Variants in PKNOX1 observed in about 807,000 individuals in gnomAD.
PKNOX1 encodes the protein homeobox protein PKNOX1.
In PKNOX1, 15 loss-of-function variants were observed where a neutral mutation model predicts 51.9. That is an observed-to-expected ratio of 0.29 (90% confidence interval 0.19 to 0.45). PKNOX1 has a LOEUF of 0.45. Ranked by LOEUF, PKNOX1 falls within the 20% of genes least tolerant of loss-of-function variation. PKNOX1 has a pLI of 1.00. For synonymous variants in PKNOX1, 219 were observed against 211.1 expected, an observed-to-expected ratio of 1.04 and a Z score of -0.32; for missense variants, 462 against 547.5, an observed-to-expected ratio of 0.84 and a Z score of 1.56.
chr21:42,997,905 G>T (rs934685777), intron 1 of PKNOX1, among the ~76,000 whole-genome samples: 1 of 152,182 alleles, frequency 6.6e-6, no homozygotes, highest in Admixed American at 6.5e-5. Flanking sequence ...GAGTGCGGAA[G>T]GGGGTCAGTA....
intron 1 of PKNOX1, among the ~76,000 whole-genome samples, chr21:42,984,657 G>A (rs2059042594): frequency 6.6e-6 from 1 of 152,168 alleles, no homozygotes; most frequent in Non-Finnish European, 1.5e-5. Context: ...CAAAGTGCTG[G>A]GATTATAGGC....
chr21:42,974,939 G>T (rs1387751059), intron 1 of PKNOX1, among the ~76,000 whole-genome samples: 1 of 144,332 alleles, frequency 6.9e-6, no homozygotes, highest in Non-Finnish European at 1.5e-5. Flanking sequence ...TCTTAGTGTG[G>T]GTTGAGGGAC....
intron 1 of PKNOX1, among the ~76,000 whole-genome samples, chr21:42,994,147 C>G (rs1021082120): frequency 4.2e-5 from 6 of 144,490 alleles, no homozygotes; most frequent in Admixed American, 1.4e-4. Flanking sequence ...CTCAAGTGAT[C>G]CCCCTGCCTC....
chr21:43,008,098 A>C (rs1030166657), intron 3 of PKNOX1, among the ~76,000 whole-genome samples: 4 of 112,266 alleles, frequency 3.6e-5, no homozygotes, highest in African/African-American at 8.9e-5. Context: ...CACACACACA[A>C]AGATGTTATT....
intron 5 of PKNOX1, among the ~76,000 whole-genome samples, chr21:43,014,628 A>C (rs921813461): frequency 1.7e-4 from 26 of 152,218 alleles, no homozygotes; most frequent in African/African-American, 6.3e-4. Flanking sequence ...AAAAGTTTTT[A>C]AATAGAGACA....
chr21:42,998,110 T>C (rs1978590573), intron 1 of PKNOX1, among the ~76,000 whole-genome samples: 1 of 152,142 alleles, frequency 6.6e-6, no homozygotes, highest in Non-Finnish European at 1.5e-5. Context: ...AGAGGTTTAA[T>C]TGGACTTACA....
intron 1 of PKNOX1, among the ~76,000 whole-genome samples, chr21:42,977,157 C>T (rs1445039318): frequency 6.6e-6 from 1 of 152,116 alleles, no homozygotes; most frequent in African/African-American, 2.4e-5. Context: ...ATTCCATTTC[C>T]AGAGCACAGG....
At chr21:43,000,681 A>T (rs1056063775) in intron 1 of PKNOX1, among the ~76,000 whole-genome samples, 3 of 152,148 alleles carry the variant, frequency 2.0e-5, no homozygotes, top group Non-Finnish European at 4.4e-5. Flanking sequence ...GAGCCCAGGA[A>T]TTCAAGACCA....
At chr21:43,001,462 G>A (rs1978747764) in intron 1 of PKNOX1, among the ~76,000 whole-genome samples, 1 of 152,186 alleles carries the variant, frequency 6.6e-6, no homozygotes, top group Admixed American at 6.5e-5. Flanking sequence ...TCCTTGCCGT[G>A]GCTGGCACTC....
At position 43,029,954 on chromosome 21, in the gene PKNOX1, G is replaced by C; in HGVS notation, c.1164G>C (p.Ser388=). 6.2e-7 allele frequency: 1 copy of C among 1,614,166 alleles called. No homozygotes were observed. The highest frequency in any genetic ancestry group is 1.3e-5 in the African/African-American group (1 of 75,056). The change falls in exon 11 of 11, where the codon TCG becomes TCC. Residue 388 remains serine, a synonymous_variant. Transcript: ENST00000291547. ...TGGACAGCCTTCAGTCTCTGTCCTCGGACGGGGCCACCCTGGCGGTGCAGC... is the reference window on the plus strand; with the variant it reads ...TGGACAGCCTTCAGTCTCTGTCCTCCGACGGGGCCACCCTGGCGGTGCAGC... ...MNVDSLQSLS[S]DGATLAVQQV... is the part of the protein sequence containing the mutation.
At chr21:42,996,820 G>C (rs1978525192) in intron 1 of PKNOX1, among the ~76,000 whole-genome samples, 1 of 151,876 alleles carries the variant, frequency 6.6e-6, no homozygotes, top group Admixed American at 6.6e-5. Context: ...CTTCCACCTT[G>C]GCCTCCCAAA....
chr21:43,029,037 C>T (rs891886933), intron 10 of PKNOX1, 163 bp downstream of exon 10: 20 of 684,104 alleles, frequency 2.9e-5, no homozygotes, highest in African/African-American at 1.1e-4. Context: ...CTGCATTCTG[C>T]GTGCACGGGA....
intron 1 of PKNOX1, among the ~76,000 whole-genome samples, chr21:42,996,497 C>T (rs1978512152): frequency 6.6e-6 from 1 of 152,082 alleles, no homozygotes; most frequent in African/African-American, 2.4e-5. Flanking sequence ...GTAAGTCCAT[C>T]ATCCTTTAAG....
At position 43,016,922 on chromosome 21, in the gene PKNOX1, C is replaced by T. The variant is rs1207513147; in HGVS notation, c.537C>T (p.Ala179=). The T allele has an allele frequency of 6.2e-7, 1 of 1,606,366 alleles. No individual in the cohort carries two copies. Among genetic ancestry groups the T allele is most frequent in the East Asian group, 2.2e-5 (1 of 44,762 alleles). The change falls in exon 6 of 11, where the codon GCC becomes GCT. Residue 179 remains alanine (A), a synonymous_variant. Transcript: ENST00000291547. ...CTGACTTGCAGCAGATTCAAAGTGC[C>T]ATCACAGGCACCATCAGCCCTCAGG... ...SPVQSQQIQS[A]ITGTISPQGI... is the part of the protein sequence containing the mutation.
intron 1 of PKNOX1, among the ~76,000 whole-genome samples, chr21:42,976,709 A>G (rs1043567323): frequency 3.9e-5 from 6 of 152,250 alleles, no homozygotes; most frequent in Non-Finnish European, 7.3e-5. Flanking sequence ...CCACATCTGC[A>G]GTTCCTTCCT....
At chr21:43,009,497 C>T (rs997526398) in intron 3 of PKNOX1, among the ~76,000 whole-genome samples, 2 of 148,012 alleles carry the variant, frequency 1.4e-5, no homozygotes, top group Non-Finnish European at 3.0e-5. Flanking sequence ...GTAGTCCCGG[C>T]TACTTGGGGA....
chr21:43,017,273 C>A, intron 6 of PKNOX1: 1 of 258,296 alleles, frequency 3.9e-6, no homozygotes, highest in East Asian at 7.2e-5. Context: ...ACACCAAAAA[C>A]CAGTTGTCAT....
intron 1 of PKNOX1, among the ~76,000 whole-genome samples, chr21:42,984,946 C>T (rs1444192491): frequency 1.3e-5 from 2 of 148,626 alleles, no homozygotes; most frequent in Non-Finnish European, 3.0e-5. Context: ...TCCTTGCCTC[C>T]AAGGGTTAGG....
At chr21:42,985,582 G>T (rs2059047903) in intron 1 of PKNOX1, among the ~76,000 whole-genome samples, 1 of 152,074 alleles carries the variant, frequency 6.6e-6, no homozygotes, top group South Asian at 2.1e-4. Context: ...TAAGTTGCCT[G>T]CCTCGACCTC....
Sources: gnomAD v4.1 joint callset for allele counts (sites outside exome capture counted in the v4.1 genomes callset) on GRCh38, gnomAD v4.1.1 for gene constraint, MANE v1.5 for transcripts, NCBI Gene and HGNC (gene_info 2026-07-23, HGNC 2026-07-21) for gene names.